Variants in PRKG1 observed in about 807,000 individuals in gnomAD.
PRKG1 encodes cGMP-dependent protein kinase 1.
Under a neutral mutation model 88.1 loss-of-function variants are expected in PRKG1, and 35 were observed. That is an observed-to-expected ratio of 0.40 (90% confidence interval 0.30 to 0.53). PRKG1 has a LOEUF of 0.53. Ranked by LOEUF, PRKG1 falls within the 20% of genes least tolerant of loss-of-function variation. The pLI, the probability that PRKG1 is intolerant of heterozygous loss-of-function variation, is 0.59. For synonymous variants in PRKG1, 303 were observed against 292.5 expected (o/e 1.04, Z -0.37); for missense variants, 540 against 839.8 (o/e 0.64, Z 4.41).
chr10:52,233,908 G>T (rs1197847635), intron 9 of PRKG1, among the ~76,000 whole-genome samples: 1 of 152,092 alleles, frequency 6.6e-6, no homozygotes. Context: ...AGACTTAAAT[G>T]TCCCTGCCTG....
intron 3 of PRKG1, among the ~76,000 whole-genome samples, chr10:51,554,304 A>T (rs1279200519): frequency 2.7e-5 from 3 of 109,692 alleles, no homozygotes; most frequent in Non-Finnish European, 3.8e-5. Context: ...ATGTATATAT[A>T]ATATGTACAT....
intron 7 of PRKG1, among the ~76,000 whole-genome samples, chr10:52,118,412 T>C (rs1192069913): frequency 6.6e-6 from 1 of 151,982 alleles, no homozygotes; most frequent in Admixed American, 6.5e-5. Context: ...CATATCTACA[T>C]AGAGAAATAT....
chr10:52,271,000 A>C (rs1003964724), intron 10 of PRKG1, among the ~76,000 whole-genome samples: 16 of 152,126 alleles, frequency 1.1e-4, no homozygotes, highest in African/African-American at 3.9e-4. Flanking sequence ...TTGGAAAAGA[A>C]GTTTTTTTTC....
intron 3 of PRKG1, among the ~76,000 whole-genome samples, chr10:51,802,338 C>T (rs1839193577): frequency 6.6e-6 from 1 of 152,094 alleles, no homozygotes. Flanking sequence ...TATTATCATG[C>T]AAAATATCTG....
intron 3 of PRKG1, among the ~76,000 whole-genome samples, chr10:51,685,440 G>T (rs1367775688): frequency 6.6e-6 from 1 of 152,122 alleles, no homozygotes; most frequent in East Asian, 1.9e-4. Flanking sequence ...GCATGTGTTG[G>T]TTCTGGAACA....
intron 3 of PRKG1, among the ~76,000 whole-genome samples, chr10:51,549,560 T>C (rs1471818698): frequency 6.6e-6 from 1 of 152,128 alleles, no homozygotes; most frequent in African/African-American, 2.4e-5. Flanking sequence ...AAGGAAAAAA[T>C]GGTAGATTAC....
At chr10:51,294,413 A>C (rs1840664042) in intron 2 of PRKG1, among the ~76,000 whole-genome samples, 2 of 152,124 alleles carry the variant, frequency 1.3e-5, no homozygotes, top group East Asian at 1.9e-4. Context: ...AGTTGAGTTC[A>C]ATTTCATTCT....
chr10:51,219,794 G>T (rs1217678372), intron 2 of PRKG1, among the ~76,000 whole-genome samples: 1 of 152,082 alleles, frequency 6.6e-6, no homozygotes, highest in African/African-American at 2.4e-5. Flanking sequence ...TGAAGGATTG[G>T]CAGGAGAAGT....
intron 9 of PRKG1, among the ~76,000 whole-genome samples, chr10:52,172,919 C>T (rs1838748038): frequency 6.6e-6 from 1 of 152,318 alleles, no homozygotes; most frequent in Admixed American, 6.5e-5. Context: ...GCTCCTTGGA[C>T]CCTGTTTCCC....
At chr10:51,162,722 G>GTT (rs1281727161) in intron 2 of PRKG1, among the ~76,000 whole-genome samples, 10 of 151,926 alleles carry the variant, frequency 6.6e-5, no homozygotes, top group Non-Finnish European at 1.3e-4. Flanking sequence ...TATTTTAAAT[G>GTT]TTATTTTATT....
intron 1 of PRKG1, among the ~76,000 whole-genome samples, chr10:51,090,519 C>A (rs1425645135): frequency 6.6e-6 from 1 of 151,810 alleles, no homozygotes; most frequent in East Asian, 1.9e-4. Flanking sequence ...ACAGGCCTAC[C>A]AAAAATTTAA....
chr10:52,092,902 T>G lies in PRKG1; in HGVS notation c.935+30271T>G, dbSNP rs186202517. Among the ~76,000 whole-genome samples, 184 of 152,278 alleles carry G rather than the reference T, an allele frequency of 1.2e-3. 1 individual carries two copies. The highest frequency in any genetic ancestry group is 5.0e-4 in the Non-Finnish European group (34 of 68,004). On this transcript the variant is annotated intron_variant, in intron 7 of 17. Transcript: ENST00000373980. ...GTAAGTATGGTTTTATCTGCATAAT[T>G]ATTTTCTTGTTAATTGTAGGGTGAA...
At chr10:52,100,350 C>T (rs1261400504) in intron 7 of PRKG1, among the ~76,000 whole-genome samples, 10 of 152,178 alleles carry the variant, frequency 6.6e-5, no homozygotes, top group Admixed American at 2.6e-4. Context: ...TAATGGACTA[C>T]GTGGAGTTAG....
chr10:51,717,987 C>T (rs1045207192), intron 3 of PRKG1, among the ~76,000 whole-genome samples: 1 of 151,996 alleles, frequency 6.6e-6, no homozygotes, highest in African/African-American at 2.4e-5. Context: ...TTTCTTAGTC[C>T]TCCCCTTCAT....
At chr10:51,796,333 AC>A (rs1189778181) in intron 3 of PRKG1, among the ~76,000 whole-genome samples, 4 of 152,076 alleles carry the variant, frequency 2.6e-5, no homozygotes, top group South Asian at 2.1e-4. Flanking sequence ...TTACTAGTAA[AC>A]TTTTATTTTA....
intron 3 of PRKG1, among the ~76,000 whole-genome samples, chr10:51,729,706 C>CAAAAAAAAAAAA (rs34900286): frequency 6.9e-5 from 2 of 28,778 alleles, no homozygotes; most frequent in African/African-American, 2.3e-4. Flanking sequence ...GACTCCATCT[C>CAAAAAAAAAAAA]AAAAAAAAAA....
At chr10:51,997,972 A>G (rs1160216300) in intron 5 of PRKG1, among the ~76,000 whole-genome samples, 2 of 152,032 alleles carry the variant, frequency 1.3e-5, no homozygotes, top group Non-Finnish European at 2.9e-5. Context: ...CCTCTTTTCT[A>G]TTCTCAGAAA....
intron 3 of PRKG1, among the ~76,000 whole-genome samples, chr10:51,765,656 C>T (rs1316066895): frequency 1.3e-5 from 2 of 152,032 alleles, no homozygotes; most frequent in Non-Finnish European, 2.9e-5. Context: ...ATACCATTAA[C>T]CTCACCTGGA....
At chr10:51,166,329 G>A (rs1361682921) in intron 2 of PRKG1, among the ~76,000 whole-genome samples, 1 of 152,054 alleles carries the variant, frequency 6.6e-6, no homozygotes, top group Non-Finnish European at 1.5e-5. Context: ...GTGCCAATAT[G>A]TGTATATGAA....
Sources: allele counts gnomAD v4.1 joint callset (sites outside exome capture counted in the v4.1 genomes callset), GRCh38; gene constraint gnomAD v4.1.1; transcripts MANE v1.5; gene names NCBI Gene and HGNC (gene_info 2026-07-23, HGNC 2026-07-21).